The following SLFN12 variants were observed in gnomAD, a reference collection of about 807,000 sequenced individuals.
SLFN12 encodes ribonuclease SLFN12.
SLFN12 carries 25 observed loss-of-function variants against 29.1 expected under a neutral mutation model. That is an observed-to-expected ratio of 0.86 (90% CI 0.63 to 1.20). SLFN12 has a LOEUF of 1.20. Ranked by LOEUF, SLFN12 falls within the 50% of genes most tolerant of loss-of-function variation. The probability of loss-of-function intolerance (pLI) is 0.00; values close to 1 mark genes in which losing one functional copy is unlikely to be tolerated. For missense variants in SLFN12, 660 were observed against 666.2 expected (o/e 0.99, Z 0.10); for synonymous variants, 257 against 238.7 (o/e 1.08, Z -0.71).
chr17:35,418,643 A>G (rs1350819715), intron 3 of SLFN12, among the ~76,000 whole-genome samples: 2 of 152,028 alleles, frequency 1.3e-5, no homozygotes, highest in South Asian at 4.1e-4. Context: ...TTAGTAGTTA[A>G]CTTTTTGGAA....
intron 1 of SLFN12, among the ~76,000 whole-genome samples, chr17:35,425,268 G>A (rs779444189): frequency 9.9e-5 from 15 of 152,104 alleles, no homozygotes; most frequent in Non-Finnish European, 1.6e-4. Flanking sequence ...CTGCACTCTA[G>A]CTTGGGCAAC....
intron 2 of SLFN12, 70 bp downstream of exon 2, chr17:35,421,920 G>A (rs2671817): frequency 0.5 from 765,197 of 1,543,708 alleles, 193,538 homozygotes; most frequent in Non-Finnish European, 0.52. Context: ...TCTTGCCCCA[G>A]ATCCCATAGA....
upstream of SLFN12, chr17:35,433,149 C>G (rs1375077899): frequency 6.6e-6 from 1 of 152,226 alleles, no homozygotes; most frequent in Non-Finnish European, 1.5e-5. Context: ...CGGGCTCACT[C>G]TCCACAGAGT....
At chr17:35,424,216 G>A (rs1911869450) in intron 1 of SLFN12, among the ~76,000 whole-genome samples, 1 of 151,942 alleles carries the variant, frequency 6.6e-6, no homozygotes, top group African/African-American at 2.4e-5. Context: ...GTTAAGAAGT[G>A]TGACTTAAGT....
At position 35,422,669 on chromosome 17, in the gene SLFN12, G is replaced by A. The variant is rs576001860; in HGVS notation, c.360C>T (p.Thr120=). 5.6e-6 allele frequency: 9 copies of A among 1,613,918 alleles called. No homozygotes were observed. The South Asian group carries it at 8.8e-5, about 16-fold the overall frequency. ...WSLNTSGLRI[T]TLSSNLYKRD... is the part of the protein sequence containing the mutation. ...TTTTGTACAAATTGGAGCTCAAGGT[G>A]GTAATCCGCAGACCAGAGGTGTTCA... The change falls in exon 2 of 4, where the codon ACC becomes ACT. Residue 120 remains threonine, a synonymous_variant. Coordinates refer to ENST00000304905, the MANE Select transcript of SLFN12 (RefSeq NM_018042.5).
At chr17:35,424,407 A>G (rs186833828) in intron 1 of SLFN12, among the ~76,000 whole-genome samples, 65 of 150,978 alleles carry the variant, frequency 4.3e-4, no homozygotes, top group African/African-American at 1.6e-3. Flanking sequence ...ACTTAAGTTT[A>G]ACTTTTTTAA....
At chr17:35,414,359 A>G (rs921923506) in intron 3 of SLFN12, among the ~76,000 whole-genome samples, 5 of 152,082 alleles carry the variant, frequency 3.3e-5, no homozygotes, top group African/African-American at 1.2e-4. Flanking sequence ...AAACACTCCC[A>G]TTTACAATAG....
chr17:35,420,413 C>T (rs112830888), intron 2 of SLFN12, 32 bp from the exon 3 acceptor site: 33 of 1,450,568 alleles, frequency 2.3e-5, no homozygotes, highest in African/African-American at 1.5e-4. Context: ...TTCTTAATTT[C>T]GCAGAAGGGA....
chr17:35,432,411 A>G lies in SLFN12; in HGVS notation c.-264T>C, dbSNP rs189471657. ...ATTTTCTGGGGTTTAAGTACCCTCT[A>G]AAGTTTTCCCACTGGTTACTTGGTG... On this transcript the variant is annotated 5_prime_UTR_variant, in exon 1 of 4. Coordinates refer to ENST00000304905, the MANE Select transcript of SLFN12 (RefSeq NM_018042.5). 160 of 152,320 alleles carry G rather than the reference A, an allele frequency of 1.1e-3. No individual in the cohort carries two copies. The highest frequency in any genetic ancestry group is 1.9e-3 in the Non-Finnish European group (131 of 68,064). The allele number at this position is 152,320 out of a possible 1,614,324, so 9.4% of individuals were successfully genotyped here. A position where few individuals can be genotyped will look rare whatever the true frequency, so the allele number is the denominator to read the frequency against.
rs61285114 is a variant in SLFN12 at position 35,417,614 on chromosome 17, C to A, written c.1147+2660G>T. Among the ~76,000 whole-genome samples, 1,311 of 151,856 alleles carry A rather than the reference C, an allele frequency of 8.6e-3. 15 individuals are homozygous for A. The highest frequency in any genetic ancestry group is 0.03 in the African/African-American group (1,257 of 41,418). ...TAAGACTATTTGCATTAAGAATTGTCTAAAAGTTTTCTTCAGTTCATTAGG... is the reference window on the plus strand; with the variant it reads ...TAAGACTATTTGCATTAAGAATTGTATAAAAGTTTTCTTCAGTTCATTAGG... On this transcript the variant is annotated intron_variant, in intron 3 of 3. Transcript: ENST00000304905.
intron 1 of SLFN12, among the ~76,000 whole-genome samples, chr17:35,431,446 AT>A (rs1416940023): frequency 3.3e-5 from 5 of 152,110 alleles, no homozygotes; most frequent in African/African-American, 1.2e-4. Context: ...TCCAAACAAT[AT>A]TGAGGCCAAA....
chr17:35,416,709 C>G (rs946884771), intron 3 of SLFN12, among the ~76,000 whole-genome samples: 12 of 152,000 alleles, frequency 7.9e-5, no homozygotes, highest in African/African-American at 2.9e-4. Flanking sequence ...AAATATCTTA[C>G]CAAAATTAAC....
In SLFN12 at chr17:35,422,696, G is replaced by T; in HGVS notation, c.333C>A (p.Ser111Arg). 6.2e-7 allele frequency: 1 copy of T among 1,614,120 alleles called. No homozygotes were observed. The highest frequency in any genetic ancestry group is 8.5e-7 in the Non-Finnish European group (1 of 1,180,018). ...TAATCCGCAGACCAGAGGTGTTCAA[G>T]CTCCATGACTTCACAAAAATCAGAA... ...NYFLIFVKSW[S>R]LNTSGLRITT... The change falls in exon 2 of 4, where the codon AGC becomes AGA. Residue 111 changes from serine (S) to arginine (R), a missense_variant. Physicochemically the swap from Ser to Arg is moderately radical, Grantham distance 110. Coordinates refer to ENST00000304905, the MANE Select transcript of SLFN12 (RefSeq NM_018042.5).
At position 35,413,241 on chromosome 17, in the gene SLFN12, A is replaced by G. The variant is rs528949059; in HGVS notation, c.1148-1314T>C. Among the ~76,000 whole-genome samples, 236 of 151,998 alleles carry G rather than the reference A, an allele frequency of 1.6e-3. 1 individual carries two copies. The highest frequency in any genetic ancestry group is 5.1e-3 in the African/African-American group (211 of 41,320). On this transcript the variant is annotated intron_variant, in intron 3 of 3. Transcript: ENST00000304905. ...TTGATTAAAGATATCACTCACAAAT[A>G]CAAGAGTATACCAATCCTTCTCAGA...
At chr17:35,431,943 ACCAGAAAAGACAGAAAAGAGC>A (rs981372990) in intron 1 of SLFN12, 7 of 152,262 alleles carry the variant, frequency 4.6e-5, no homozygotes, top group African/African-American at 1.7e-4. Context: ...AGGGACCACA[ACCAGAAAAGACAGAAAAGAGC>A]CCTTCCCGCT....
At chr17:35,418,836 G>C (rs1415026753) in intron 3 of SLFN12, among the ~76,000 whole-genome samples, 1 of 151,666 alleles carries the variant, frequency 6.6e-6, no homozygotes, top group African/African-American at 2.4e-5. Context: ...TGTCTATTGA[G>C]ATGGATTGTG....
intron 1 of SLFN12, among the ~76,000 whole-genome samples, chr17:35,427,400 C>T (rs115032081): frequency 0.025 from 3,815 of 152,142 alleles, 164 homozygotes; most frequent in African/African-American, 0.088. Context: ...TTATATTAAA[C>T]GCAATTCGAT....
chr17:35,410,995 T>C lies in SLFN12; in HGVS notation c.*343A>G, dbSNP rs1374638025. The C allele has an allele frequency of 6.2e-6, 1 of 160,790 alleles. No individual in the cohort carries two copies. The highest frequency in any genetic ancestry group is 1.3e-5 in the Non-Finnish European group (1 of 74,306). 10.0% of individuals were successfully genotyped at this position (160,790 alleles called of 1,614,324 possible). A position where few individuals can be genotyped will look rare whatever the true frequency, so the allele number is the denominator to read the frequency against. ...ATCAAGGATAATCTTTTGTAAGTTA[T>C]AATTGTTTTCTAGGTATATGCTGGG... On this transcript the variant is annotated 3_prime_UTR_variant, in exon 4 of 4. Transcript: ENST00000304905.
chr17:35,432,218 A>C lies in SLFN12; in HGVS notation c.-71T>G, dbSNP rs1038493430. On this transcript the variant is annotated 5_prime_UTR_variant, in exon 1 of 4. Coordinates refer to ENST00000304905, the MANE Select transcript of SLFN12 (RefSeq NM_018042.5). ...GGTTGGCTTGCCAAAATATGTTACC[A>C]GTGAAGAGTGTCCAGGTTCTTGGCG... 1 of 152,240 alleles carries C rather than the reference A, an allele frequency of 6.6e-6. No individual in the cohort carries two copies. Among genetic ancestry groups the C allele is most frequent in the South Asian group, 2.1e-4 (1 of 4,838 alleles). 9.4% of individuals were successfully genotyped at this position (152,240 alleles called of 1,614,324 possible).
Sources: allele counts gnomAD v4.1 joint callset (sites outside exome capture counted in the v4.1 genomes callset), GRCh38; gene constraint gnomAD v4.1.1; transcripts MANE v1.5; gene names NCBI Gene and HGNC (gene_info 2026-07-23, HGNC 2026-07-21).